Variants in KCND3 observed in about 807,000 individuals in gnomAD.
KCND3 encodes potassium voltage-gated channel subfamily D member 3.
Under a neutral mutation model 51.1 loss-of-function variants are expected in KCND3, and 9 were observed. The ratio of observed to expected loss-of-function variants is 0.18; its 90% CI spans 0.11 to 0.31. The LOEUF is 0.31. Among genes scored for constraint, KCND3 ranks in the 10% least tolerant of loss-of-function variants. The probability of loss-of-function intolerance (pLI) is 1.00; values close to 1 mark genes in which losing one functional copy is unlikely to be tolerated. For missense variants in KCND3, 526 were observed against 903.8 expected, an observed-to-expected ratio of 0.58 and a Z score of 5.36; for synonymous variants, 349 against 368.0, an observed-to-expected ratio of 0.95 and a Z score of 0.59.
intron 2 of KCND3, among the ~76,000 whole-genome samples, chr1:111,804,338 T>C (rs1191965258): frequency 6.6e-6 from 1 of 152,254 alleles, no homozygotes; most frequent in Non-Finnish European, 1.5e-5. Flanking sequence ...TAGGGGTTGC[T>C]GCAGGGCTAG....
In KCND3 at chr1:111,806,682, A is replaced by G. The variant is rs115251326; in HGVS notation, c.1107-19576T>C. 3.1e-3 allele frequency among the ~76,000 whole-genome samples: 476 copies of G among 152,374 alleles called. 6 individuals carry two copies. Among genetic ancestry groups the G allele is most frequent in the African/African-American group, 0.011 (465 of 41,586 alleles). ...ACAAACATTTTCTTAAAAACATCAA[A>G]GACATAACGAAGTAATAAGGAATCA... On this transcript the variant is annotated intron_variant, in intron 2 of 7. Transcript: ENST00000302127.
intron 3 of KCND3, among the ~76,000 whole-genome samples, chr1:111,783,630 T>C (rs1056321238): frequency 2.6e-5 from 4 of 152,144 alleles, no homozygotes; most frequent in Admixed American, 6.5e-5. Flanking sequence ...GAGAAAGAAA[T>C]GGAAAGGCCA....
At chr1:111,798,269 C>G (rs1338126456) in intron 2 of KCND3, among the ~76,000 whole-genome samples, 2 of 152,148 alleles carry the variant, frequency 1.3e-5, no homozygotes, top group Non-Finnish European at 2.9e-5. Context: ...TCTAACCAGG[C>G]CTTTCTCTCA....
Position 111,883,105 on chromosome 1 carries a change from C to T in KCND3, c.1107-95999G>A, listed in dbSNP as rs1669412281. Among the ~76,000 whole-genome samples, 4 of 152,232 alleles carry T rather than the reference C, an allele frequency of 2.6e-5. No individual in the cohort carries two copies. The South Asian group carries it at 6.2e-4, about 24-fold the overall frequency. On this transcript the variant is annotated intron_variant, in intron 2 of 7. Transcript: ENST00000302127. ...CCCAAACAACTGGCCACCTCCTTGG[C>T]CTGGCAGACAAGGCCGTTGACAACT...
At chr1:111,925,677 G>A (rs1420708094) in intron 2 of KCND3, among the ~76,000 whole-genome samples, 1 of 152,212 alleles carries the variant, frequency 6.6e-6, no homozygotes, top group East Asian at 1.9e-4. Context: ...CTCATGGGCA[G>A]TTAGTTATGT....
intron 2 of KCND3, among the ~76,000 whole-genome samples, chr1:111,795,612 A>G (rs1162606046): frequency 6.6e-6 from 1 of 152,166 alleles, no homozygotes; most frequent in Non-Finnish European, 1.5e-5. Context: ...CTGGAGGAGG[A>G]GAGGAATGAG....
chr1:111,840,052 G>A (rs1226937192), intron 2 of KCND3, among the ~76,000 whole-genome samples: 1 of 152,128 alleles, frequency 6.6e-6, no homozygotes, highest in African/African-American at 2.4e-5. Flanking sequence ...GTCCAGCGAG[G>A]GCCTGATCGT....
intron 2 of KCND3, among the ~76,000 whole-genome samples, chr1:111,874,182 C>G (rs947385184): frequency 3.3e-5 from 5 of 152,184 alleles, no homozygotes; most frequent in African/African-American, 4.8e-5. Flanking sequence ...TATACAATAT[C>G]TATGTATCCC....
chr1:111,949,637 TTC>T (rs894609394), intron 2 of KCND3, among the ~76,000 whole-genome samples: 29 of 152,240 alleles, frequency 1.9e-4, no homozygotes, highest in Middle Eastern at 3.4e-3. Context: ...TTCATTGCAT[TTC>T]TCTCTCTCCC....
At chr1:111,935,120 T>G (rs1417914975) in intron 2 of KCND3, among the ~76,000 whole-genome samples, 1 of 152,246 alleles carries the variant, frequency 6.6e-6, no homozygotes, top group Non-Finnish European at 1.5e-5. Flanking sequence ...AACACAAGTC[T>G]TATGGTTTTC....
At chr1:111,903,996 C>G (rs1037047169) in intron 2 of KCND3, among the ~76,000 whole-genome samples, 1 of 152,176 alleles carries the variant, frequency 6.6e-6, no homozygotes, top group Non-Finnish European at 1.5e-5. Context: ...GAAGGACAAG[C>G]AATTACCTGG....
intron 2 of KCND3, among the ~76,000 whole-genome samples, chr1:111,978,876 T>G (rs1026520465): frequency 1.3e-5 from 2 of 152,222 alleles, no homozygotes; most frequent in South Asian, 4.1e-4. Flanking sequence ...GTGCTTGCTA[T>G]GTATAATCAA....
intron 2 of KCND3, among the ~76,000 whole-genome samples, chr1:111,889,875 T>G (rs1669749000): frequency 1.3e-5 from 2 of 151,896 alleles, no homozygotes; most frequent in African/African-American, 4.8e-5. Flanking sequence ...AGGGGTGACA[T>G]CTGAGGGGGA....
intron 2 of KCND3, among the ~76,000 whole-genome samples, chr1:111,917,849 A>G (rs1210901755): frequency 1.3e-5 from 2 of 152,118 alleles, no homozygotes; most frequent in African/African-American, 4.8e-5. Flanking sequence ...ACAGGTCTCA[A>G]AACAGGGTGC....
intron 2 of KCND3, among the ~76,000 whole-genome samples, chr1:111,818,046 A>C (rs1440355269): frequency 9.2e-6 from 1 of 108,822 alleles, no homozygotes; most frequent in African/African-American, 4.0e-5. Flanking sequence ...GCGTGCACAC[A>C]CACACACACA....
chr1:111,872,825 T>C (rs1668886222), intron 2 of KCND3, among the ~76,000 whole-genome samples: 1 of 152,158 alleles, frequency 6.6e-6, no homozygotes, highest in African/African-American at 2.4e-5. Context: ...GTGAGAACAC[T>C]CATCAGTTTT....
intron 2 of KCND3, among the ~76,000 whole-genome samples, chr1:111,904,052 G>C (rs1325549311): frequency 6.6e-6 from 1 of 151,802 alleles, no homozygotes; most frequent in East Asian, 1.9e-4. Flanking sequence ...GGCTCCCCTG[G>C]TGTGCTGAAT....
At chr1:111,898,668 C>G (rs532428774) in intron 2 of KCND3, among the ~76,000 whole-genome samples, 1 of 152,190 alleles carries the variant, frequency 6.6e-6, no homozygotes, top group African/African-American at 2.4e-5. Flanking sequence ...CAACTGTACA[C>G]AAAGCACAGG....
chr1:111,935,288 C>T (rs1253626342), intron 2 of KCND3, among the ~76,000 whole-genome samples: 1 of 152,196 alleles, frequency 6.6e-6, no homozygotes, highest in African/African-American at 2.4e-5. Flanking sequence ...CAACCTACGT[C>T]ATGCTCCCTG....
Sources: allele counts gnomAD v4.1 joint callset (sites outside exome capture counted in the v4.1 genomes callset), GRCh38; gene constraint gnomAD v4.1.1; transcripts MANE v1.5; gene names NCBI Gene and HGNC (gene_info 2026-07-23, HGNC 2026-07-21).